Variants in EMC8 observed in about 807,000 individuals in gnomAD.
The protein encoded by EMC8 is ER membrane protein complex subunit 8, also known as COX4 neighbor.
In EMC8, 11 loss-of-function variants were observed where a neutral mutation model predicts 24.3. That is an observed-to-expected ratio of 0.45 (90% CI 0.28 to 0.75). The LOEUF (loss-of-function observed/expected upper bound fraction) is 0.75, where lower values mean the gene tolerates loss of function less well. Ranked by LOEUF, EMC8 falls within the 30% of genes least tolerant of loss-of-function variation. EMC8 has a pLI of 0.12. For synonymous variants in EMC8, 145 were observed against 117.7 expected, an observed-to-expected ratio of 1.23 and a Z score of -1.50; for missense variants, 277 against 282.7, an observed-to-expected ratio of 0.98 and a Z score of 0.14.
chr16:85,781,473 C>T (rs1365069308), intron 2 of EMC8, 193 bp from the exon 3 acceptor site: 1 of 547,590 alleles, frequency 1.8e-6, no homozygotes, highest in Non-Finnish European at 3.3e-6. Context: ...CTCTGCTGCC[C>T]TAGCTGGAGT....
chr16:85,791,870 C>A (rs1204310122), intron 1 of EMC8, among the ~76,000 whole-genome samples: 2 of 152,194 alleles, frequency 1.3e-5, no homozygotes, highest in African/African-American at 4.8e-5. Context: ...ATATTCTCTC[C>A]ACCCTCAAGC....
chr16:85,779,391 G>A lies in EMC8; in HGVS notation c.*317C>T, dbSNP rs1354581848. ...AAAGCCTTAAAAAGTATTCTCTCCA[G>A]ATTATAAAAGGTTAGTTAAAACTGT... On this transcript the variant is annotated 3_prime_UTR_variant, in exon 5 of 5. Coordinates refer to ENST00000253457, the MANE Select transcript of EMC8 (RefSeq NM_006067.5). The A allele has an allele frequency of 5.4e-6, 1 of 185,962 alleles. No individual in the cohort carries two copies. The highest frequency in any genetic ancestry group is 1.3e-4 in the East Asian group (1 of 7,500). 11.5% of individuals were successfully genotyped at this position (185,962 alleles called of 1,614,324 possible). A position where few individuals can be genotyped will look rare whatever the true frequency, so the allele number is the denominator to read the frequency against.
At chr16:85,797,836 A>T (rs1905305233) in intron 1 of EMC8, among the ~76,000 whole-genome samples, 1 of 152,220 alleles carries the variant, frequency 6.6e-6, no homozygotes, top group Non-Finnish European at 1.5e-5. Context: ...TTCTTAAATG[A>T]AAAACAAACA....
chr16:85,787,524 C>T (rs1904808059), intron 2 of EMC8: 1 of 152,288 alleles, frequency 6.6e-6, no homozygotes, highest in Non-Finnish European at 1.5e-5. Flanking sequence ...ATGGATGTGG[C>T]CCCGTGGGTA....
chr16:85,780,602 T>C, intron 3 of EMC8, 129 bp from the exon 4 acceptor site: 1 of 672,476 alleles, frequency 1.5e-6, no homozygotes, highest in Admixed American at 2.1e-5. Flanking sequence ...CGACAGAGCC[T>C]GTATGCAGAG....
chr16:85,792,541 G>A (rs1224709195), intron 1 of EMC8: 1 of 152,262 alleles, frequency 6.6e-6, no homozygotes, highest in African/African-American at 2.4e-5. Context: ...GGGTGGATGA[G>A]TTCTAATAAG....
intron 1 of EMC8, among the ~76,000 whole-genome samples, chr16:85,797,868 G>A (rs1905308831): frequency 6.6e-6 from 1 of 152,254 alleles, no homozygotes; most frequent in African/African-American, 2.4e-5. Context: ...CAGGTATGCA[G>A]GTCTGAAGCT....
At chr16:85,783,730 T>G (rs1904619637) in intron 2 of EMC8, among the ~76,000 whole-genome samples, 1 of 152,162 alleles carries the variant, frequency 6.6e-6, no homozygotes, top group Non-Finnish European at 1.5e-5. Flanking sequence ...CTTGTTTCAC[T>G]CACACTGTCC....
Position 85,779,483 on chromosome 16 carries a change from G to T in EMC8, c.*225C>A. On this transcript the variant is annotated 3_prime_UTR_variant, in exon 5 of 5. Transcript: ENST00000253457. ...TGGAGGATTATAGCAACATACAACT[G>T]AGAGAGTCCACAGGGACAGTCAGAC... 2.0e-6 allele frequency: 1 copy of T among 490,932 alleles called. No individual in the cohort carries two copies. Among genetic ancestry groups the T allele is most frequent in the South Asian group, 2.4e-5 (1 of 41,082 alleles). 30.4% of individuals were successfully genotyped at this position (490,932 alleles called of 1,614,324 possible).
intron 2 of EMC8, among the ~76,000 whole-genome samples, chr16:85,787,195 C>T (rs1425529476): frequency 2.0e-5 from 3 of 152,340 alleles, no homozygotes; most frequent in Admixed American, 2.0e-4. Flanking sequence ...GGCCCCAGCC[C>T]TTGCCACGTC....
intron 2 of EMC8, among the ~76,000 whole-genome samples, chr16:85,786,775 G>C (rs950872026): frequency 6.6e-6 from 1 of 152,224 alleles, no homozygotes; most frequent in African/African-American, 2.4e-5. Flanking sequence ...GGAAAACTGT[G>C]TCCGAGTAGG....
Position 85,781,279 on chromosome 16 carries a change from G to C in EMC8, c.310C>G (p.Pro104Ala). The C allele has an allele frequency of 6.7e-7, 1 of 1,481,754 alleles. No homozygotes were observed. The highest frequency in any genetic ancestry group is 8.9e-7 in the Non-Finnish European group (1 of 1,121,398). 91.8% of individuals were successfully genotyped at this position (1,481,754 alleles called of 1,614,324 possible). The change falls in exon 3 of 5, where the codon CCA (proline) becomes GCA (alanine). Residue 104 changes from proline (P) to alanine (A), a missense_variant and splice_region_variant. Pro to Ala is a conservative substitution (Grantham distance 27). Transcript: ENST00000253457. ...QANERVKDASPNQVAEKVASR... is the reference protein window; with the variant it reads ...QANERVKDASANQVAEKVASR... ...GCCACCTTCTCTGCAACCTGGTTTG[G>C]ACTGTCAAAGAAATAGGCTACCACA...
chr16:85,794,640 C>T (rs1480113704), intron 1 of EMC8, among the ~76,000 whole-genome samples: 1 of 152,304 alleles, frequency 6.6e-6, no homozygotes, highest in Admixed American at 6.5e-5. Context: ...AGCGAGCCGA[C>T]ATCGCTCCAC....
At chr16:85,787,803 G>A (rs780189739) in intron 2 of EMC8, among the ~76,000 whole-genome samples, 19 of 152,326 alleles carry the variant, frequency 1.2e-4, no homozygotes, top group Non-Finnish European at 1.5e-4. Flanking sequence ...TCAGGATCCT[G>A]TGCCTGGACC....
chr16:85,788,871 T>G, intron 2 of EMC8, 103 bp downstream of exon 2: 2 of 798,760 alleles, frequency 2.5e-6, no homozygotes, highest in Admixed American at 3.5e-5. Flanking sequence ...GGAAGGGGTG[T>G]AGGTCTCACA....
rs979220666 is a variant in EMC8, at chr16:85,779,566, C to T, written c.*142G>A. Reference sequence around the variant, plus strand: ...TTAAAAACACGACCGACTGAACATTCTGCCCCCTTTCAAGGCACATGCCAC... The same window carrying T: ...TTAAAAACACGACCGACTGAACATTTTGCCCCCTTTCAAGGCACATGCCAC... On this transcript the variant is annotated 3_prime_UTR_variant, in exon 5 of 5. Coordinates refer to ENST00000253457, the MANE Select transcript of EMC8 (RefSeq NM_006067.5). 4 of 791,362 alleles carry T rather than the reference C, an allele frequency of 5.1e-6. No homozygotes were observed. The highest frequency in any genetic ancestry group is 8.2e-6 in the Non-Finnish European group (4 of 486,412). 49.0% of individuals were successfully genotyped at this position (791,362 alleles called of 1,614,324 possible).
rs1310180600 is a variant in EMC8 at position 85,790,428 on chromosome 16, T to C, written c.232-1378A>G. Among the ~76,000 whole-genome samples the C allele has an allele frequency of 2.6e-5, 4 of 152,230 alleles. No individual in the cohort carries two copies. In the South Asian group the frequency reaches 6.2e-4, roughly 24 times the overall value. On this transcript the variant is annotated intron_variant, in intron 1 of 4. Transcript: ENST00000253457. Reference sequence around the variant, plus strand: ...TCATCCACCCAAAAGATCAGGATTATGTCTGTAAAATATCTATAATGGTGC... The same window carrying C: ...TCATCCACCCAAAAGATCAGGATTACGTCTGTAAAATATCTATAATGGTGC...
At chr16:85,793,701 G>C (rs1367246334) in intron 1 of EMC8, among the ~76,000 whole-genome samples, 2 of 152,198 alleles carry the variant, frequency 1.3e-5, no homozygotes, top group African/African-American at 4.8e-5. Context: ...CAGTGAGCAA[G>C]CCAGCAAGTC....
intron 1 of EMC8, among the ~76,000 whole-genome samples, chr16:85,793,499 A>T (rs1905103044): frequency 6.6e-6 from 1 of 152,140 alleles, no homozygotes; most frequent in East Asian, 1.9e-4. Context: ...AGGGGGAAGA[A>T]CTCAAAGGGG....
Sources: allele counts gnomAD v4.1 joint callset (sites outside exome capture counted in the v4.1 genomes callset), GRCh38; gene constraint gnomAD v4.1.1; transcripts MANE v1.5; gene names NCBI Gene and HGNC (gene_info 2026-07-23, HGNC 2026-07-21).